CLSTN2: variants seen among roughly 807,000 people sequenced by gnomAD.
CLSTN2 encodes calsyntenin-2.
CLSTN2 carries 48 observed loss-of-function variants against 101.2 expected under a neutral mutation model. The ratio of observed to expected loss-of-function variants is 0.47; its 90% CI spans 0.38 to 0.60. The LOEUF (loss-of-function observed/expected upper bound fraction) is 0.60. Among genes scored for constraint, CLSTN2 ranks in the 20% least tolerant of loss-of-function variants. The pLI is 0.00. For synonymous variants in CLSTN2, 481 were observed against 463.6 expected (o/e 1.04, Z -0.48); for missense variants, 1,160 against 1,238.2 (o/e 0.94, Z 0.95).
chr3:139,946,655 C>T (rs1935220089), intron 1 of CLSTN2, among the ~76,000 whole-genome samples: 1 of 152,174 alleles, frequency 6.6e-6, no homozygotes, highest in Admixed American at 6.5e-5. Context: ...GGCTGCTGCT[C>T]CCTCACCTGC....
chr3:140,291,076 T>C (rs979824644), intron 2 of CLSTN2, among the ~76,000 whole-genome samples: 1 of 152,182 alleles, frequency 6.6e-6, no homozygotes, highest in Non-Finnish European at 1.5e-5. Flanking sequence ...AAAACATTAC[T>C]CATCTCTCTG....
chr3:140,350,196 G>C (rs1401872954), intron 2 of CLSTN2, among the ~76,000 whole-genome samples: 1 of 152,224 alleles, frequency 6.6e-6, no homozygotes, highest in African/African-American at 2.4e-5. Flanking sequence ...AGGCTGAATG[G>C]AGCACATTTC....
chr3:140,564,206 C>T lies in CLSTN2; in HGVS notation c.2667+61C>T, dbSNP rs1362388976. 11 of 1,515,062 alleles carry T rather than the reference C, an allele frequency of 7.3e-6. No individual in the cohort carries two copies. In the East Asian group the frequency reaches 1.8e-4, roughly 25 times the overall value. The allele number at this position is 1,515,062 out of a possible 1,614,324, so 93.9% of individuals were successfully genotyped here. A position where few individuals can be genotyped will look rare whatever the true frequency, so the allele number is the denominator to read the frequency against. ...GTGCTTCTCCCTCTACCCAGCTCAACCCTTCCTATGCCTAAAGCAGCCCCA... is the reference window on the plus strand; with the variant it reads ...GTGCTTCTCCCTCTACCCAGCTCAATCCTTCCTATGCCTAAAGCAGCCCCA... On this transcript the variant is annotated intron_variant, in intron 16 of 16. Coordinates refer to ENST00000458420, the MANE Select transcript of CLSTN2 (RefSeq NM_022131.3).
chr3:140,234,243 A>C (rs951174294), intron 2 of CLSTN2, among the ~76,000 whole-genome samples: 1 of 152,168 alleles, frequency 6.6e-6, no homozygotes, highest in African/African-American at 2.4e-5. Flanking sequence ...CATGTTCATT[A>C]AGGAAAAGAT....
chr3:140,150,645 G>A (rs946349570), intron 1 of CLSTN2, among the ~76,000 whole-genome samples: 3 of 152,252 alleles, frequency 2.0e-5, no homozygotes, highest in South Asian at 4.1e-4. Context: ...CAAGACAACC[G>A]GGAAAGGGCC....
At chr3:139,991,391 G>A (rs1425526581) in intron 1 of CLSTN2, among the ~76,000 whole-genome samples, 1 of 152,200 alleles carries the variant, frequency 6.6e-6, no homozygotes, top group African/African-American at 2.4e-5. Context: ...AGTTATTACT[G>A]TTTAATATTG....
At chr3:140,452,606 G>C (rs925544769) in intron 6 of CLSTN2, 1 of 152,240 alleles carries the variant, frequency 6.6e-6, no homozygotes, top group African/African-American at 2.4e-5. Flanking sequence ...AGCAATGAGG[G>C]AATCTGGTTT....
intron 2 of CLSTN2, among the ~76,000 whole-genome samples, chr3:140,393,208 C>G (rs1329997182): frequency 2.0e-5 from 3 of 152,166 alleles, no homozygotes; most frequent in African/African-American, 4.8e-5. Context: ...TTTGGGTAAA[C>G]TTCTGACTGG....
At chr3:139,971,542 T>TG (rs1244914769) in intron 1 of CLSTN2, among the ~76,000 whole-genome samples, 2 of 152,200 alleles carry the variant, frequency 1.3e-5, no homozygotes, top group Non-Finnish European at 2.9e-5. Context: ...GGAGGAGGTA[T>TG]GGCCTGAGAC....
intron 1 of CLSTN2, among the ~76,000 whole-genome samples, chr3:139,976,776 C>T (rs1309558942): frequency 1.3e-5 from 2 of 152,176 alleles, no homozygotes; most frequent in African/African-American, 4.8e-5. Flanking sequence ...GTGAAACACG[C>T]TGAGGGGTTG....
chr3:140,491,149 T>C (rs1934346353), intron 8 of CLSTN2, among the ~76,000 whole-genome samples: 1 of 152,214 alleles, frequency 6.6e-6, no homozygotes, highest in Non-Finnish European at 1.5e-5. Flanking sequence ...TAATTTGTCT[T>C]TCTCTGTCTC....
rs1409720238 is a variant in CLSTN2, at chr3:140,404,605, C to T, written c.476C>T (p.Thr159Ile). ...QVKDVNEFAP[T>I]FKEPAYKAVV... Reference sequence around the variant, plus strand: ...AAGGATGTCAACGAGTTTGCTCCCACCTTCAAAGAGCCAGCCTACAAGGCT... The same window carrying T: ...AAGGATGTCAACGAGTTTGCTCCCATCTTCAAAGAGCCAGCCTACAAGGCT... The change falls in exon 4 of 17, where the codon ACC (threonine) becomes ATC (isoleucine). Residue 159 changes from threonine to isoleucine, a missense_variant. Transcript: ENST00000458420. 1.2e-6 allele frequency: 2 copies of T among 1,614,228 alleles called. No individual in the cohort carries two copies. The highest frequency in any genetic ancestry group is 1.1e-5 in the South Asian group (1 of 91,082).
intron 1 of CLSTN2, among the ~76,000 whole-genome samples, chr3:140,016,110 G>A (rs548115492): frequency 6.6e-6 from 1 of 152,304 alleles, no homozygotes; most frequent in East Asian, 1.9e-4. Context: ...CCCTAGACAG[G>A]GTAGTGGCAT....
intron 9 of CLSTN2, among the ~76,000 whole-genome samples, chr3:140,541,717 AC>A (rs1645296135): frequency 1.3e-5 from 2 of 152,042 alleles, no homozygotes; most frequent in African/African-American, 4.8e-5. Flanking sequence ...TCTGCTCTGC[AC>A]CTCGGATGTC....
intron 1 of CLSTN2, among the ~76,000 whole-genome samples, chr3:140,040,071 A>G (rs1005045301): frequency 6.6e-6 from 1 of 152,226 alleles, no homozygotes; most frequent in African/African-American, 2.4e-5. Context: ...GTGAGTTTAC[A>G]TAGTTTATGA....
intron 1 of CLSTN2, among the ~76,000 whole-genome samples, chr3:140,149,965 A>C (rs1172095802): frequency 1.3e-5 from 2 of 152,132 alleles, no homozygotes; most frequent in Admixed American, 6.5e-5. Flanking sequence ...TACTTGTATC[A>C]TGGGGCAGGG....
intron 2 of CLSTN2, among the ~76,000 whole-genome samples, chr3:140,233,331 A>T (rs979576673): frequency 2.0e-5 from 3 of 152,094 alleles, no homozygotes; most frequent in African/African-American, 7.2e-5. Flanking sequence ...TTCTTTCTGT[A>T]AGCTGCTCCT....
chr3:140,301,147 C>T (rs1296077029), intron 2 of CLSTN2, among the ~76,000 whole-genome samples: 1 of 152,198 alleles, frequency 6.6e-6, no homozygotes, highest in Non-Finnish European at 1.5e-5. Flanking sequence ...TCCACTAATG[C>T]TATCCAGAAA....
intron 1 of CLSTN2, among the ~76,000 whole-genome samples, chr3:140,033,667 G>A (rs893498923): frequency 1.3e-5 from 2 of 152,170 alleles, no homozygotes; most frequent in African/African-American, 4.8e-5. Context: ...AAGAAGAGAC[G>A]CAGAATATTC....
Sources: allele counts gnomAD v4.1 joint callset (sites outside exome capture counted in the v4.1 genomes callset), GRCh38; gene constraint gnomAD v4.1.1; transcripts MANE v1.5; gene names NCBI Gene and HGNC (gene_info 2026-07-23, HGNC 2026-07-21).